IGFBP4: variants seen among roughly 807,000 people sequenced by gnomAD.
IGFBP4 encodes the protein insulin-like growth factor-binding protein 4.
IGFBP4 carries 9 observed loss-of-function variants against 25.8 expected under a neutral mutation model. The observed-to-expected ratio is 0.35, with a 90% confidence interval of 0.21 to 0.61. IGFBP4 has a LOEUF of 0.61. IGFBP4 is among the 20% of genes least tolerant of loss of function. The pLI is 0.77. For synonymous variants in IGFBP4, 153 were observed against 153.9 expected, an observed-to-expected ratio of 0.99 and a Z score of 0.05; for missense variants, 315 against 365.3, an observed-to-expected ratio of 0.86 and a Z score of 1.12.
At chr17:40,444,144 TC>T (rs1567799314) in intron 1 of IGFBP4, 60 bp downstream of exon 1, 1 of 1,343,348 alleles carries the variant, frequency 7.4e-7, no homozygotes, top group Non-Finnish European at 1.0e-6. Flanking sequence ...AGCGGCTTCT[TC>T]CCCATTCCAG....
chr17:40,453,970 C>T lies in IGFBP4; in HGVS notation c.550C>T (p.Arg184Trp), dbSNP rs758138822. 13 of 1,612,702 alleles carry T rather than the reference C, an allele frequency of 8.1e-6. No homozygotes were observed. Among genetic ancestry groups the T allele is most frequent in the East Asian group, 6.7e-5 (3 of 44,732 alleles). Residue 184 changes from arginine to tryptophan, a missense_variant, in exon 3 of 4, where the codon CGG (arginine) becomes TGG (tryptophan). Physicochemically the swap from Arg to Trp is moderately radical, Grantham distance 101. Coordinates refer to ENST00000269593, the MANE Select transcript of IGFBP4 (RefSeq NM_001552.3). This position sits in a 1 kb window ranked among gnomAD's most constrained non-coding sequence, Gnocchi z 4.0. ...GAGCGAGCTGCACCGGGCGCTGGAG[C>T]GGCTGGCCGCTTCACAGAGCCGCAC... is the stretch of plus-strand genomic sequence containing the variant. Reference protein sequence around the residue: ...CQSELHRALERLAASQSRTHE... With the variant: ...CQSELHRALEWLAASQSRTHE...
Position 40,456,810 on chromosome 17 carries a change from T to G in IGFBP4, c.*227T>G. ...AGAGCCTGGGGTGTTCTCTTTGGTG[T>G]TACACAGCCCAAGAGGACTGAGACT... On this transcript the variant is annotated 3_prime_UTR_variant, in exon 4 of 4. Transcript: ENST00000269593. The G allele has an allele frequency of 1.8e-6, 1 of 549,968 alleles. No individual in the cohort carries two copies. The highest frequency in any genetic ancestry group is 3.2e-6 in the Non-Finnish European group (1 of 314,060). The allele number at this position is 549,968 out of a possible 1,614,324, so 34.1% of individuals were successfully genotyped here. A position where few individuals can be genotyped will look rare whatever the true frequency, so the allele number is the denominator to read the frequency against.
intron 3 of IGFBP4, among the ~76,000 whole-genome samples, chr17:40,455,966 AC>A (rs2143747534): frequency 6.6e-6 from 1 of 151,854 alleles, no homozygotes; most frequent in South Asian, 2.1e-4. Flanking sequence ...TCTGACCTTG[AC>A]CTCTGTCTTT....
In IGFBP4 at chr17:40,443,792, C is replaced by G. The variant is rs1195028191; in HGVS notation, c.57C>G (p.Ser19Arg). ...TGCTGGCCGCCGGGCCCGGGCCGAGCCTGGGCGACGAAGCCATCCACTGCC... is the reference window on the plus strand; with the variant it reads ...TGCTGGCCGCCGGGCCCGGGCCGAGGCTGGGCGACGAAGCCATCCACTGCC... Reference protein sequence around the residue: ...ALLLAAGPGPSLGDEAIHCPP... With the variant: ...ALLLAAGPGPRLGDEAIHCPP... The change falls in exon 1 of 4, where the codon AGC (serine) becomes AGG (arginine). Residue 19 changes from serine to arginine, a missense_variant. By Grantham distance (110) the Ser-to-Arg change is moderately radical. Transcript: ENST00000269593. 10 of 1,523,024 alleles carry G rather than the reference C, an allele frequency of 6.6e-6. No homozygotes were observed. The highest frequency in any genetic ancestry group is 3.9e-5 in the Admixed American group (2 of 50,778). 94.3% of individuals were successfully genotyped at this position (1,523,024 alleles called of 1,614,324 possible).
At chr17:40,447,910 GA>G (rs1233569980) in intron 1 of IGFBP4, among the ~76,000 whole-genome samples, 1 of 152,182 alleles carries the variant, frequency 6.6e-6, no homozygotes, top group Non-Finnish European at 1.5e-5. Flanking sequence ...GAGGAGTTGA[GA>G]GGGGTGGGGT....
rs1216315128 is a variant in IGFBP4, at chr17:40,453,038, G to T, written c.403G>T (p.Asp135Tyr). The change falls in exon 2 of 4, where the codon GAC becomes TAC. Residue 135 changes from aspartate to tyrosine, a missense_variant. Transcript: ENST00000269593. This position sits in a 1 kb window ranked among gnomAD's most constrained non-coding sequence, Gnocchi z 4.0. Reference sequence around the variant, plus strand: ...CAGCTTCAGCCCCTGTAGCGCCCATGACCGCAGGTGCCTGCAGAAGCACTT... The same window carrying T: ...CAGCTTCAGCCCCTGTAGCGCCCATTACCGCAGGTGCCTGCAGAAGCACTT... ...NNSFSPCSAHDRRCLQKHFAK... is the reference protein window; with the variant it reads ...NNSFSPCSAHYRRCLQKHFAK... 2 of 1,595,532 alleles carry T rather than the reference G, an allele frequency of 1.3e-6. No homozygotes were observed. The highest frequency in any genetic ancestry group is 3.5e-5 in the Admixed American group (2 of 57,178).
rs1187176573 is a variant in IGFBP4 at position 40,454,020 on chromosome 17, C to T, written c.600C>T (p.Pro200=). Residue 200 remains proline (P), a synonymous_variant, in exon 3 of 4, where the codon CCC becomes CCT. Coordinates refer to ENST00000269593, the MANE Select transcript of IGFBP4 (RefSeq NM_001552.3). ...CCCACGAGGACCTCTACATCATCCC[C>T]ATCCCCAACTGCGACCGCAACGGCA... is the stretch of plus-strand genomic sequence containing the variant. The part of the protein sequence containing the change: ...SRTHEDLYII[P]IPNCDRNGNF... 3 of 1,612,744 alleles carry T rather than the reference C, an allele frequency of 1.9e-6. No homozygotes were observed. The highest frequency in any genetic ancestry group is 2.7e-5 in the African/African-American group (2 of 74,876).
chr17:40,449,761 A>C (rs79182796), intron 1 of IGFBP4, among the ~76,000 whole-genome samples: 1 of 151,706 alleles, frequency 6.6e-6, no homozygotes, highest in Non-Finnish European at 1.5e-5. Context: ...AAAAAAAAAA[A>C]AGGAGAGAGA....
chr17:40,444,200 G>C, intron 1 of IGFBP4, 116 bp downstream of exon 1: 35 of 773,260 alleles, frequency 4.5e-5, no homozygotes, highest in Non-Finnish European at 7.0e-5. Flanking sequence ...TTGAAGAGAA[G>C]GCAGGTACGT....
rs10305311 is a variant in IGFBP4, at chr17:40,456,863, T to C, written c.*280T>C. On this transcript the variant is annotated 3_prime_UTR_variant, in exon 4 of 4. Transcript: ENST00000269593. ...CACTTAGCCCAAGAGGTCTGAGCCC[T>C]GGTGTGTTTCCAGATCGATCCTGGA... 1,228 of 440,468 alleles carry C rather than the reference T, an allele frequency of 2.8e-3. 9 individuals carry two copies. Among genetic ancestry groups the C allele is most frequent in the African/African-American group, 0.023 (1,129 of 48,506 alleles). The allele number at this position is 440,468 out of a possible 1,614,324, so 27.3% of individuals were successfully genotyped here.
intron 1 of IGFBP4, among the ~76,000 whole-genome samples, chr17:40,452,257 A>G (rs539111527): frequency 2.0e-5 from 3 of 152,252 alleles, no homozygotes; most frequent in Non-Finnish European, 2.9e-5. Flanking sequence ...GGCAACCCCT[A>G]TGGACTTTGG....
intron 1 of IGFBP4, 111 bp downstream of exon 1, chr17:40,444,195 G>C: frequency 1.2e-4 from 93 of 800,910 alleles, no homozygotes; most frequent in Non-Finnish European, 1.7e-4. Flanking sequence ...ATGAGTTGAA[G>C]AGAAGGCAGG....
At chr17:40,445,782 A>G (rs780685002) in intron 1 of IGFBP4, among the ~76,000 whole-genome samples, 1 of 152,170 alleles carries the variant, frequency 6.6e-6, no homozygotes, top group Non-Finnish European at 1.5e-5. Flanking sequence ...GGGGTACAAC[A>G]GAGTCACGTT....
chr17:40,454,391 C>G (rs1326711725), intron 3 of IGFBP4, among the ~76,000 whole-genome samples: 1 of 152,194 alleles, frequency 6.6e-6, no homozygotes. Context: ...CCCTGACAAC[C>G]TCTGGCTCCC....
intron 3 of IGFBP4, among the ~76,000 whole-genome samples, chr17:40,454,400 C>G (rs1397215650): frequency 6.6e-6 from 1 of 152,192 alleles, no homozygotes; most frequent in Non-Finnish European, 1.5e-5. Flanking sequence ...CCTCTGGCTC[C>G]CAACACTCTC....
At chr17:40,452,473 A>G (rs570000221) in intron 1 of IGFBP4, among the ~76,000 whole-genome samples, 6 of 152,254 alleles carry the variant, frequency 3.9e-5, no homozygotes, top group Admixed American at 3.3e-4. Context: ...TAGAGTTCTC[A>G]TTGCTCATGG....
Position 40,453,590 on chromosome 17 carries a change from G to A in IGFBP4, c.508-338G>A, listed in dbSNP as rs139043279. Among the ~76,000 whole-genome samples, 49 of 152,150 alleles carry A rather than the reference G, an allele frequency of 3.2e-4. 1 individual carries two copies. The East Asian group carries it at 9.1e-3, about 28-fold the overall frequency. On this transcript the variant is annotated intron_variant, in intron 2 of 3. Coordinates refer to ENST00000269593, the MANE Select transcript of IGFBP4 (RefSeq NM_001552.3). The surrounding 1 kb of genome is among the most constrained non-coding windows in gnomAD (Gnocchi z 4.0). ...AATTTCCCTTCTGAAGGTCTTACAA[G>A]TTGTCAGTTGGAAGTTTTATCTGTC... is the stretch of plus-strand genomic sequence containing the variant.
chr17:40,443,902 G>T lies in IGFBP4; in HGVS notation c.167G>T (p.Cys56Phe). Residue 56 changes from cysteine to phenylalanine, a missense_variant, in exon 1 of 4, where the codon TGC (cysteine) becomes TTC (phenylalanine). Physicochemically the swap from Cys to Phe is radical, Grantham distance 205 (BLOSUM62 -2). Transcript: ENST00000269593. ...GTGCGAGAGCCGGGCTGCGGCTGTT[G>T]CGCCACTTGCGCCCTGGGCTTGGGG... ...ELVREPGCGC[C>F]ATCALGLGMP... 6.5e-7 allele frequency: 1 copy of T among 1,530,334 alleles called. No homozygotes were observed. 94.8% of individuals were successfully genotyped at this position (1,530,334 alleles called of 1,614,324 possible).
rs972779832 is a variant in IGFBP4 at position 40,449,358 on chromosome 17, G to C, written c.350-3627G>C. Among the ~76,000 whole-genome samples the C allele has an allele frequency of 3.3e-5, 5 of 152,156 alleles. 1 individual carries two copies. The highest frequency in any genetic ancestry group is 1.3e-4 in the Admixed American group (2 of 15,280). ...AAGCTCAGCACTGTGGCTCACGCCT[G>C]TAATCCTAGCACTTTGGGAAGTCTA... On this transcript the variant is annotated intron_variant, in intron 1 of 3. Transcript: ENST00000269593.
Sources: allele counts gnomAD v4.1 joint callset (sites outside exome capture counted in the v4.1 genomes callset), GRCh38; gene constraint gnomAD v4.1.1; non-coding constraint Gnocchi (gnomAD v3.1); transcripts MANE v1.5; gene names NCBI Gene and HGNC (gene_info 2026-07-23, HGNC 2026-07-21).